The following FBXW10B variants were observed in gnomAD, a reference collection of about 807,000 sequenced individuals.
FBXW10B encodes F-box and WD repeat domain containing protein 10B.
chr17:15,577,568 G>GTC, the FBXW10B span, among the ~76,000 whole-genome samples: 25,211 of 152,096 alleles, frequency 0.17, 2,541 homozygotes, highest in Non-Finnish European at 0.23. Context: ...TAGTAACTTA[G>GTC]TCTATCACTT....
chr17:15,608,749 C>T, the FBXW10B span, among the ~76,000 whole-genome samples: 3 of 152,218 alleles, frequency 2.0e-5, no homozygotes, highest in Non-Finnish European at 4.4e-5. Flanking sequence ...CCACCACGAC[C>T]AGCCTGCATT....
the FBXW10B span, among the ~76,000 whole-genome samples, chr17:15,612,371 G>A: frequency 2.7e-4 from 41 of 152,100 alleles, no homozygotes; most frequent in African/African-American, 8.7e-4. Context: ...AAAATTAGCC[G>A]GGCTTGGTGG....
the FBXW10B span, among the ~76,000 whole-genome samples, chr17:15,584,586 C>T: frequency 6.6e-6 from 1 of 152,144 alleles, no homozygotes; most frequent in African/African-American, 2.4e-5. Flanking sequence ...ATTGGAGTAC[C>T]TTTGCCCATA....
the FBXW10B span, among the ~76,000 whole-genome samples, chr17:15,606,874 A>T: frequency 6.6e-6 from 1 of 152,100 alleles, no homozygotes; most frequent in African/African-American, 2.4e-5. Flanking sequence ...TGTTAATAAG[A>T]TTCATGGCCA....
At chr17:15,588,951 C>T in the FBXW10B span, 1 of 1,613,668 alleles carries the variant, frequency 6.2e-7, no homozygotes, top group Non-Finnish European at 8.5e-7. Flanking sequence ...TGGGGCTCTT[C>T]AACATTTTCC....
At chr17:15,616,260 C>T in the FBXW10B span, among the ~76,000 whole-genome samples, 1 of 152,100 alleles carries the variant, frequency 6.6e-6, no homozygotes, top group South Asian at 2.1e-4. Context: ...CTGCAACCTC[C>T]GTCTCCTGGG....
chr17:15,596,872 A>T, the FBXW10B span, among the ~76,000 whole-genome samples: 1 of 152,124 alleles, frequency 6.6e-6, no homozygotes. Context: ...CCCTGAATAC[A>T]GGTGGTTGAG....
the FBXW10B span, among the ~76,000 whole-genome samples, chr17:15,571,044 C>T: frequency 6.6e-6 from 1 of 152,158 alleles, no homozygotes; most frequent in Non-Finnish European, 1.5e-5. Flanking sequence ...AAGAAAACAA[C>T]CTTAAAAATA....
chr17:15,610,232 A>G, the FBXW10B span, among the ~76,000 whole-genome samples: 1 of 152,146 alleles, frequency 6.6e-6, no homozygotes, highest in Non-Finnish European at 1.5e-5. Context: ...TTGACAGTCA[A>G]CAGGTTTATT....
At chr17:15,618,237 A>C in the FBXW10B span, among the ~76,000 whole-genome samples, 1 of 152,126 alleles carries the variant, frequency 6.6e-6, no homozygotes, top group African/African-American at 2.4e-5. Context: ...CTGAGGCAGG[A>C]GAATTGCTTG....
the FBXW10B span, among the ~76,000 whole-genome samples, chr17:15,575,888 A>C: frequency 6.6e-6 from 1 of 152,346 alleles, no homozygotes; most frequent in Non-Finnish European, 1.5e-5. Context: ...ATGTGTATCT[A>C]AAGCTATGAT....
chr17:15,597,844 C>G, the FBXW10B span, among the ~76,000 whole-genome samples: 4 of 152,234 alleles, frequency 2.6e-5, no homozygotes, highest in Non-Finnish European at 5.9e-5. Flanking sequence ...GTGACATGCT[C>G]ATCGTCACAA....
the FBXW10B span, chr17:15,596,432 T>C: frequency 3.0e-6 from 4 of 1,337,852 alleles, no homozygotes; most frequent in Non-Finnish European, 4.1e-6. Flanking sequence ...TACTCTAGGA[T>C]GACCTGAGGA....
the FBXW10B span, chr17:15,568,768 T>G: frequency 7.2e-6 from 6 of 833,876 alleles, no homozygotes; most frequent in Non-Finnish European, 8.0e-6. Flanking sequence ...TAATTTATGT[T>G]CCAAAGTCAG....
At chr17:15,618,167 A>C in the FBXW10B span, among the ~76,000 whole-genome samples, 1 of 152,148 alleles carries the variant, frequency 6.6e-6, no homozygotes, top group Non-Finnish European at 1.5e-5. Context: ...GTCTCTACCA[A>C]AAAATACAAA....
the FBXW10B span, among the ~76,000 whole-genome samples, chr17:15,590,207 T>C: frequency 2.6e-5 from 4 of 151,796 alleles, no homozygotes; most frequent in South Asian, 2.1e-4. Flanking sequence ...CCTGGAGTCA[T>C]TGTGAGGATG....
At chr17:15,614,010 G>A in the FBXW10B span, 52 of 1,608,756 alleles carry the variant, frequency 3.2e-5, no homozygotes, top group African/African-American at 5.2e-4. Flanking sequence ...GATATACACC[G>A]GAGTGAATTC....
chr17:15,584,891 G>A, the FBXW10B span, among the ~76,000 whole-genome samples: 1,054 of 151,940 alleles, frequency 6.9e-3, 10 homozygotes, highest in African/African-American at 0.025. Context: ...TTCTAAAAGG[G>A]CTTTTCATAA....
the FBXW10B span, among the ~76,000 whole-genome samples, chr17:15,570,169 G>T: frequency 2.0e-5 from 3 of 152,138 alleles, no homozygotes; most frequent in African/African-American, 7.2e-5. Context: ...TGACCTCCTA[G>T]GTGGGAGAAA....
Sources: gnomAD v4.1 joint callset for allele counts (sites outside exome capture counted in the v4.1 genomes callset) on GRCh38, gnomAD v4.1.1 for gene constraint, MANE v1.5 for transcripts, NCBI Gene and HGNC (gene_info 2026-07-23, HGNC 2026-07-21) for gene names.